Variants in RALYL observed in about 807,000 individuals in gnomAD.
RALYL encodes the protein RNA-binding Raly-like protein.
Under a neutral mutation model 35.1 loss-of-function variants are expected in RALYL, and 29 were observed. That is an observed-to-expected ratio of 0.83 (90% CI 0.61 to 1.13). RALYL has a LOEUF of 1.13. Among genes scored for constraint, RALYL ranks in the 50% most tolerant of loss-of-function variants. The pLI is 0.00. For missense variants in RALYL, 359 were observed against 360.4 expected (o/e 1.00, Z 0.03); for synonymous variants, 120 against 127.6 (o/e 0.94, Z 0.40).
At chr8:84,371,344 G>A (rs922123092) in intron 1 of RALYL, among the ~76,000 whole-genome samples, 4 of 151,860 alleles carry the variant, frequency 2.6e-5, no homozygotes, top group African/African-American at 4.8e-5. Flanking sequence ...CGTGATGCAC[G>A]GTGACATTCT....
intron 8 of RALYL, among the ~76,000 whole-genome samples, chr8:84,896,549 C>T (rs1844771838): frequency 6.6e-6 from 1 of 152,094 alleles, no homozygotes; most frequent in South Asian, 2.1e-4. Flanking sequence ...CGTTGATCTA[C>T]AAAGTCTTGC....
At position 84,568,352 on chromosome 8, in the gene RALYL, A is replaced by G. The variant is rs181765647; in HGVS notation, c.256+38775A>G. Among the ~76,000 whole-genome samples, 181 of 151,730 alleles carry G rather than the reference A, an allele frequency of 1.2e-3. 1 individual carries two copies. The highest frequency in any genetic ancestry group is 4.2e-3 in the African/African-American group (175 of 41,378). On this transcript the variant is annotated intron_variant, in intron 2 of 8. Transcript: ENST00000521268. The stretch of plus-strand genomic sequence containing the variant: ...GCTGAGAATGATGGTTTCCAGTTTC[A>G]TCCGTGTCCCTACAAAGGACATGAA...
At chr8:84,918,276 A>T (rs1848790883) in intron 8 of RALYL, among the ~76,000 whole-genome samples, 1 of 152,062 alleles carries the variant, frequency 6.6e-6, no homozygotes, top group South Asian at 2.1e-4. Flanking sequence ...TTTATTCTAT[A>T]TATTGCTGTA....
chr8:84,431,689 G>A (rs1391022986), intron 1 of RALYL, among the ~76,000 whole-genome samples: 1 of 152,104 alleles, frequency 6.6e-6, no homozygotes, highest in Non-Finnish European at 1.5e-5. Flanking sequence ...CTACAATAAT[G>A]TCCTCCAGGT....
In RALYL at chr8:84,183,765, G is replaced by A. The variant is rs1023456996; in HGVS notation, c.-683G>A. On this transcript the variant is annotated 5_prime_UTR_variant, in exon 1 of 9. Coordinates refer to ENST00000521268, the MANE Select transcript of RALYL (RefSeq NM_173848.7). ...ATCCAAGTTTTTCTAGCATGCGATC[G>A]TTCTGTAGACAAGGCGCTGTGTCTC... is the stretch of plus-strand genomic sequence containing the variant. The A allele has an allele frequency of 6.6e-6, 1 of 151,914 alleles. No individual in the cohort carries two copies. Among genetic ancestry groups the A allele is most frequent in the Non-Finnish European group, 1.5e-5 (1 of 67,972 alleles). The allele number at this position is 151,914 out of a possible 1,614,324, so 9.4% of individuals were successfully genotyped here. A position where few individuals can be genotyped will look rare whatever the true frequency, so the allele number is the denominator to read the frequency against.
At position 84,190,486 on chromosome 8, in the gene RALYL, G is replaced by C. The variant is rs376433692; in HGVS notation, c.-24+6062G>C. ...GAAACAGTGTGAATGCACATGATGA[G>C]ATGGATTTTTAAAGACTTGGTCATA... is the stretch of plus-strand genomic sequence containing the variant. On this transcript the variant is annotated intron_variant, in intron 1 of 8. Transcript: ENST00000521268. Among the ~76,000 whole-genome samples, 5 of 152,302 alleles carry C rather than the reference G, an allele frequency of 3.3e-5. No individual in the cohort carries two copies. In the East Asian group the frequency reaches 5.8e-4, roughly 18 times the overall value.
At chr8:84,903,274 A>C (rs929029499) in intron 8 of RALYL, among the ~76,000 whole-genome samples, 1 of 152,220 alleles carries the variant, frequency 6.6e-6, no homozygotes, top group African/African-American at 2.4e-5. Context: ...TTATATGGGA[A>C]TACTAAGAAG....
chr8:84,771,103 A>C (rs1815374699), intron 2 of RALYL, among the ~76,000 whole-genome samples: 1 of 152,134 alleles, frequency 6.6e-6, no homozygotes, highest in Middle Eastern at 3.4e-3. Flanking sequence ...TTTGCAATTA[A>C]ATTTACATGA....
At chr8:84,683,460 T>A (rs902855428) in intron 2 of RALYL, among the ~76,000 whole-genome samples, 8 of 152,178 alleles carry the variant, frequency 5.3e-5, no homozygotes, top group Non-Finnish European at 1.5e-5. Flanking sequence ...TCTCCCATTA[T>A]TATAGTGTAG....
intron 4 of RALYL, among the ~76,000 whole-genome samples, chr8:84,840,582 G>A (rs1212255995): frequency 6.6e-6 from 1 of 152,142 alleles, no homozygotes; most frequent in African/African-American, 2.4e-5. Flanking sequence ...ATCTAGCAAG[G>A]CAGGCCAACA....
intron 4 of RALYL, among the ~76,000 whole-genome samples, chr8:84,839,499 G>A (rs1832741926): frequency 6.6e-6 from 1 of 152,220 alleles, no homozygotes; most frequent in Non-Finnish European, 1.5e-5. Flanking sequence ...GCCCACCACA[G>A]CTCAAGGAGG....
intron 1 of RALYL, among the ~76,000 whole-genome samples, chr8:84,215,989 T>G (rs1820713190): frequency 6.6e-6 from 1 of 152,144 alleles, no homozygotes; most frequent in African/African-American, 2.4e-5. Flanking sequence ...TTCTCAAAAT[T>G]TATAGTCCCA....
intron 1 of RALYL, among the ~76,000 whole-genome samples, chr8:84,247,606 A>G (rs1275014302): frequency 6.6e-6 from 1 of 152,044 alleles, no homozygotes. Flanking sequence ...GCAGGCTTTA[A>G]TTACTAGTGA....
Position 84,774,654 on chromosome 8 carries a change from G to A in RALYL, c.332G>A (p.Arg111Lys), listed in dbSNP as rs202116573. ...AAGAGGCCCCTTTCTGCACTTTACAGGTAAGTAGATAAGCACTGTTTTACT... is the reference window on the plus strand; with the variant it reads ...AAGAGGCCCCTTTCTGCACTTTACAAGTAAGTAGATAAGCACTGTTTTACT... ...GNKRPLSALY[R>K]LESKEPFLSV... The change falls in exon 3 of 9, where the codon AGA becomes AAA. Residue 111 changes from arginine (R) to lysine (K), a missense_variant and splice_region_variant. Coordinates refer to ENST00000521268, the MANE Select transcript of RALYL (RefSeq NM_173848.7). The A allele has an allele frequency of 2.8e-4, 443 of 1,602,682 alleles. 1 individual carries two copies. In the African/African-American group the frequency reaches 5.2e-3, roughly 19 times the overall value.
At chr8:84,487,482 G>A (rs2054778599) in intron 1 of RALYL, among the ~76,000 whole-genome samples, 1 of 152,066 alleles carries the variant, frequency 6.6e-6, no homozygotes, top group Non-Finnish European at 1.5e-5. Context: ...TGGAAATGGT[G>A]GTTGGTTAAT....
chr8:84,833,151 T>C (rs1261393592), intron 4 of RALYL, among the ~76,000 whole-genome samples: 1 of 152,196 alleles, frequency 6.6e-6, no homozygotes, highest in Non-Finnish European at 1.5e-5. Flanking sequence ...ATTTTTTATA[T>C]AGGGTCATTG....
At chr8:84,595,765 T>G (rs896907494) in intron 2 of RALYL, among the ~76,000 whole-genome samples, 1 of 133,460 alleles carries the variant, frequency 7.5e-6, no homozygotes, top group Non-Finnish European at 1.5e-5. Flanking sequence ...AACCATAAGT[T>G]TTTTTTTTTT....
At chr8:84,590,072 T>C (rs1408246958) in intron 2 of RALYL, among the ~76,000 whole-genome samples, 1 of 152,226 alleles carries the variant, frequency 6.6e-6, no homozygotes, top group African/African-American at 2.4e-5. Flanking sequence ...TTGGAAGATA[T>C]AATCTTCCTA....
chr8:84,795,978 A>T (rs1009249764), intron 3 of RALYL, among the ~76,000 whole-genome samples: 1 of 152,170 alleles, frequency 6.6e-6, no homozygotes, highest in African/African-American at 2.4e-5. Context: ...ATTTGGGATA[A>T]TCTTTGTGTA....
Sources: allele counts gnomAD v4.1 joint callset (sites outside exome capture counted in the v4.1 genomes callset), GRCh38; gene constraint gnomAD v4.1.1; transcripts MANE v1.5; gene names NCBI Gene and HGNC (gene_info 2026-07-23, HGNC 2026-07-21).